SEC24D: variants seen among roughly 807,000 people sequenced by gnomAD.
The protein encoded by SEC24D is SEC24 homolog D, COPII component.
Under a neutral mutation model 116.9 loss-of-function variants are expected in SEC24D, and 69 were observed. The ratio of observed to expected loss-of-function variants is 0.59; its 90% CI spans 0.49 to 0.72. The LOEUF (loss-of-function observed/expected upper bound fraction) is 0.72. SEC24D is among the 30% of genes least tolerant of loss of function. SEC24D has a pLI of 0.00. For missense variants in SEC24D, 1,131 were observed against 1,264.1 expected (o/e 0.89, Z 1.60); for synonymous variants, 405 against 442.8 (o/e 0.91, Z 1.07).
intron 22 of SEC24D, among the ~76,000 whole-genome samples, chr4:118,726,545 T>TATTGTA (rs1725423244): frequency 6.6e-6 from 1 of 152,078 alleles, no homozygotes; most frequent in South Asian, 2.1e-4. Context: ...ATTTGTAGAA[T>TATTGTA]GAATGAGGAA....
Position 118,744,053 on chromosome 4 carries a change from C to A in SEC24D, c.1930G>T (p.Val644Leu), listed in dbSNP as rs768785944. 1 of 1,613,518 alleles carries A rather than the reference C, an allele frequency of 6.2e-7. No individual in the cohort carries two copies. Among genetic ancestry groups the A allele is most frequent in the East Asian group, 2.2e-5 (1 of 44,838 alleles). Residue 644 changes from valine (V) to leucine (L), a missense_variant, in exon 15 of 23, where the codon GTG becomes TTG. Coordinates refer to ENST00000280551, the MANE Select transcript of SEC24D (RefSeq NM_014822.4). ...TGAGGAACCAGCCCCAGCGAGGCCACGTCCACATACTGACTAGGAAAGAGG... is the reference window on the plus strand; with the variant it reads ...TGAGGAACCAGCCCCAGCGAGGCCAAGTCCACATACTGACTAGGAAAGAGG... The part of the protein sequence containing the change: ...LFLFPSQYVD[V>L]ASLGLVPQLT...
chr4:118,762,877 CTT>C (rs1361418167), intron 10 of SEC24D, among the ~76,000 whole-genome samples: 1 of 152,118 alleles, frequency 6.6e-6, no homozygotes, highest in Non-Finnish European at 1.5e-5. Flanking sequence ...GATACTAAGA[CTT>C]TTGTTCCCAG....
At chr4:118,831,226 A>C (rs1730842084) in intron 2 of SEC24D, among the ~76,000 whole-genome samples, 2 of 152,110 alleles carry the variant, frequency 1.3e-5, no homozygotes, top group African/African-American at 4.8e-5. Flanking sequence ...ACCGGGATTC[A>C]CCATGTTGGC....
rs756913046 is a variant in SEC24D, at chr4:118,738,360, G to A, written c.2397C>T (p.His799=). 1.9e-5 allele frequency: 31 copies of A among 1,611,484 alleles called. No homozygotes were observed. The highest frequency in any genetic ancestry group is 2.4e-5 in the Non-Finnish European group (28 of 1,177,794). ...TTTCCCGGATGACCTTCAAAGGCTGGTGGAGAACTGCTTTAAAAGCTACAT... is the reference window on the plus strand; with the variant it reads ...TTTCCCGGATGACCTTCAAAGGCTGATGGAGAACTGCTTTAAAAGCTACAT... ...FAKSAFKAVL[H]QPLKVIREIL... The change falls in exon 19 of 23, where the codon CAC becomes CAT. Residue 799 remains histidine, a synonymous_variant. Transcript: ENST00000280551.
At position 118,764,790 on chromosome 4, in the gene SEC24D, G is replaced by A. The variant is rs1727559369; in HGVS notation, c.1296+12C>T. ...TCAATGTATAAACACTTGAAGTTCT[G>A]GGAACACTTACTCTGCAATAATCCA... On this transcript the variant is annotated intron_variant, in intron 10 of 22. Transcript: ENST00000280551. 2 of 1,413,038 alleles carry A rather than the reference G, an allele frequency of 1.4e-6. No homozygotes were observed. The highest frequency in any genetic ancestry group is 1.0e-6 in the Non-Finnish European group (1 of 1,000,538). The allele number at this position is 1,413,038 out of a possible 1,614,324, so 87.5% of individuals were successfully genotyped here. A position where few individuals can be genotyped will look rare whatever the true frequency, so the allele number is the denominator to read the frequency against.
In SEC24D at chr4:118,744,032, G is replaced by C; in HGVS notation, c.1951C>G (p.Pro651Ala). The change falls in exon 15 of 23, where the codon CCT becomes GCT. Residue 651 changes from proline to alanine, a missense_variant. By Grantham distance (27) the Pro-to-Ala change is conservative (BLOSUM62 -1). Transcript: ENST00000280551. ...YVDVASLGLV[P>A]QLTGGTLYKY... ...TAAAGGGTTCCTCCAGTGAGCTGAG[G>C]AACCAGCCCCAGCGAGGCCACGTCC... is the stretch of plus-strand genomic sequence containing the variant. 6.2e-7 allele frequency: 1 copy of C among 1,612,932 alleles called. No individual in the cohort carries two copies. Among genetic ancestry groups the C allele is most frequent in the Non-Finnish European group, 8.5e-7 (1 of 1,179,514 alleles).
chr4:118,792,864 G>A, intron 8 of SEC24D, among the ~76,000 whole-genome samples: 1 of 151,926 alleles, frequency 6.6e-6, no homozygotes. Context: ...CCCCCTCTCC[G>A]AGAAACACCC....
chr4:118,749,283 T>C (rs951136326), intron 13 of SEC24D, among the ~76,000 whole-genome samples: 2 of 152,152 alleles, frequency 1.3e-5, no homozygotes, highest in African/African-American at 4.8e-5. Flanking sequence ...TTCAAGGACT[T>C]TTCAAAAGGA....
At chr4:118,776,445 A>C (rs2110481320) in intron 8 of SEC24D, among the ~76,000 whole-genome samples, 1 of 152,252 alleles carries the variant, frequency 6.6e-6, no homozygotes, top group Non-Finnish European at 1.5e-5. Context: ...CTTTAGTTTC[A>C]GAAGGGAAAA....
At position 118,752,734 on chromosome 4, in the gene SEC24D, G is replaced by A. The variant is rs141180741; in HGVS notation, c.1576C>T (p.Leu526Phe). 9.4e-3 allele frequency: 15,118 copies of A among 1,607,568 alleles called. 144 individuals carry two copies. Among genetic ancestry groups the A allele is most frequent in the Non-Finnish European group, 0.011 (12,398 of 1,177,988 alleles). The change falls in exon 12 of 23, where the codon CTT (leucine) becomes TTT (phenylalanine). Residue 526 changes from leucine to phenylalanine, a missense_variant. Transcript: ENST00000280551. Reference protein sequence around the residue: ...EVFVPLLDGFLVNYQESQSVI... With the variant: ...EVFVPLLDGFFVNYQESQSVI... ...GATTGGGATTCTTGATAGTTGACAAGGAAACCATCCAACAAAGGAACAAAG... is the reference window on the plus strand; with the variant it reads ...GATTGGGATTCTTGATAGTTGACAAAGAAACCATCCAACAAAGGAACAAAG...
intron 8 of SEC24D, among the ~76,000 whole-genome samples, chr4:118,795,795 A>C (rs28595532): frequency 0.061 from 9,235 of 152,242 alleles, 314 homozygotes; most frequent in African/African-American, 0.078. Context: ...AGGAAAGGGC[A>C]TGAGATAACT....
chr4:118,811,982 A>G (rs1729939751), intron 6 of SEC24D, among the ~76,000 whole-genome samples: 1 of 152,168 alleles, frequency 6.6e-6, no homozygotes, highest in South Asian at 2.1e-4. Context: ...TCCATTTTTG[A>G]ATCTGAGGCA....
intron 2 of SEC24D, among the ~76,000 whole-genome samples, chr4:118,826,202 G>C (rs1039873980): frequency 6.6e-6 from 1 of 151,982 alleles, no homozygotes; most frequent in Non-Finnish European, 1.5e-5. Flanking sequence ...TTAATACAAA[G>C]TTCTAAACCC....
At chr4:118,755,472 A>T (rs2110460349) in intron 11 of SEC24D, among the ~76,000 whole-genome samples, 1 of 152,124 alleles carries the variant, frequency 6.6e-6, no homozygotes, top group Admixed American at 6.6e-5. Flanking sequence ...GACAAAAAAA[A>T]AAAAAAGGCA....
rs1727726881 is a variant in SEC24D at position 118,768,176 on chromosome 4, C to T, written c.1177G>A (p.Asp393Asn). The stretch of plus-strand genomic sequence containing the variant: ...AGCTTTTAATGGCACTGCTTACCAT[C>T]ATTCACACAGTTGCAAAATCCACAC... ...YQCGFCNCVN[D>N]VPPFYFQHLD... The change falls in exon 9 of 23, where the codon GAT becomes AAT. Residue 393 changes from aspartate to asparagine, a missense_variant. Coordinates refer to ENST00000280551, the MANE Select transcript of SEC24D (RefSeq NM_014822.4). 2 of 1,612,836 alleles carry T rather than the reference C, an allele frequency of 1.2e-6. No homozygotes were observed. The highest frequency in any genetic ancestry group is 1.7e-5 in the Admixed American group (1 of 59,814).
chr4:118,796,346 ATAT>A (rs1385709862), intron 8 of SEC24D, among the ~76,000 whole-genome samples: 1 of 152,182 alleles, frequency 6.6e-6, no homozygotes, highest in Non-Finnish European at 1.5e-5. Flanking sequence ...GTGTTTATAA[ATAT>A]TATATTAAAT....
chr4:118,754,577 A>G (rs1726994000), intron 11 of SEC24D, among the ~76,000 whole-genome samples: 1 of 152,168 alleles, frequency 6.6e-6, no homozygotes. Context: ...GGTCGGGTAC[A>G]ATGTGGGGAA....
intron 13 of SEC24D, among the ~76,000 whole-genome samples, chr4:118,748,690 C>T (rs1386447253): frequency 6.6e-6 from 1 of 151,966 alleles, no homozygotes; most frequent in African/African-American, 2.4e-5. Flanking sequence ...CTTATTATCT[C>T]TACCTGCTTT....
At chr4:118,791,525 A>C (rs12513018) in intron 8 of SEC24D, among the ~76,000 whole-genome samples, 92,862 of 151,574 alleles carry the variant, frequency 0.61, 30,698 homozygotes, top group Non-Finnish European at 0.72. Flanking sequence ...CCTACTCCCT[A>C]CTCCCTCCTC....
Sources: allele counts gnomAD v4.1 joint callset (sites outside exome capture counted in the v4.1 genomes callset), GRCh38; gene constraint gnomAD v4.1.1; transcripts MANE v1.5; gene names NCBI Gene and HGNC (gene_info 2026-07-23, HGNC 2026-07-21).